RBKS: variants seen among roughly 807,000 people sequenced by gnomAD.
The protein encoded by RBKS is ribokinase.
RBKS carries 33 observed loss-of-function variants against 33.9 expected under a neutral mutation model. That is an observed-to-expected ratio of 0.97 (90% CI 0.74 to 1.30). The LOEUF is 1.30. Among genes scored for constraint, RBKS ranks in the 50% most tolerant of loss-of-function variants. RBKS has a pLI of 0.00. For missense variants in RBKS, 361 were observed against 392.6 expected (o/e 0.92, Z 0.68); for synonymous variants, 125 against 143.0 (o/e 0.87, Z 0.90).
chr2:27,853,551 G>A (rs1242645373), intron 2 of RBKS, among the ~76,000 whole-genome samples: 4 of 151,940 alleles, frequency 2.6e-5, no homozygotes, highest in Admixed American at 2.6e-4. Context: ...CAGCTACTTG[G>A]GAGGCTGAGG....
At chr2:27,804,931 G>T (rs1430381660) in intron 7 of RBKS, among the ~76,000 whole-genome samples, 3 of 152,058 alleles carry the variant, frequency 2.0e-5, no homozygotes, top group African/African-American at 4.8e-5. Context: ...GGAGGTTGAG[G>T]TGGGAGGATT....
chr2:27,865,269 G>A (rs776701246), intron 1 of RBKS, among the ~76,000 whole-genome samples: 5 of 152,162 alleles, frequency 3.3e-5, no homozygotes, highest in East Asian at 1.9e-4. Context: ...GCAGTGAGCC[G>A]AGATCGCGCC....
At chr2:27,807,330 A>G (rs1677914789) in intron 7 of RBKS, among the ~76,000 whole-genome samples, 1 of 152,194 alleles carries the variant, frequency 6.6e-6, no homozygotes, top group Non-Finnish European at 1.5e-5. Flanking sequence ...TTAAGGAGGG[A>G]TTAATAGTGA....
At chr2:27,836,582 C>T (rs191581139) in intron 5 of RBKS, among the ~76,000 whole-genome samples, 227 of 152,210 alleles carry the variant, frequency 1.5e-3, no homozygotes, top group Non-Finnish European at 2.4e-3. Context: ...TTGACACTGG[C>T]ATTGGCAAAG....
At chr2:27,840,327 T>TACAC (rs544313433) in intron 5 of RBKS, among the ~76,000 whole-genome samples, 18,081 of 117,394 alleles carry the variant, frequency 0.15, 1,539 homozygotes, top group Middle Eastern at 0.28. Flanking sequence ...GATGATGCAT[T>TACAC]ACACACACAC....
intron 7 of RBKS, among the ~76,000 whole-genome samples, chr2:27,826,812 A>C (rs1678321756): frequency 6.6e-6 from 1 of 152,146 alleles, no homozygotes; most frequent in Admixed American, 6.5e-5. Flanking sequence ...CTCTGTAGCC[A>C]TGGCTTGTTC....
intron 1 of RBKS, among the ~76,000 whole-genome samples, chr2:27,880,892 C>G (rs914604051): frequency 1.3e-5 from 2 of 152,074 alleles, no homozygotes; most frequent in African/African-American, 4.8e-5. Flanking sequence ...CCATGACATT[C>G]ATCACAGAAC....
intron 7 of RBKS, chr2:27,809,564 T>C (rs1677954075): frequency 5.3e-6 from 1 of 187,806 alleles, no homozygotes; most frequent in Admixed American, 5.4e-5. Context: ...TTCACTGAGT[T>C]CTAAAGGTTG....
intron 1 of RBKS, among the ~76,000 whole-genome samples, chr2:27,860,858 A>T (rs530072002): frequency 6.6e-6 from 1 of 152,286 alleles, no homozygotes; most frequent in South Asian, 2.1e-4. Flanking sequence ...CAAGTCTGTC[A>T]TGTTCTCCAT....
In RBKS at chr2:27,818,046, G is replaced by C. The variant is rs550170659; in HGVS notation, c.795+9521C>G. On this transcript the variant is annotated intron_variant, in intron 7 of 7. Transcript: ENST00000302188. ...TAGGAAGAAGCTGGAGTTGCATCATGGTGCATTATACTAATATACAGAGCC... is the reference window on the plus strand; with the variant it reads ...TAGGAAGAAGCTGGAGTTGCATCATCGTGCATTATACTAATATACAGAGCC... Among the ~76,000 whole-genome samples, 5 of 152,216 alleles carry C rather than the reference G, an allele frequency of 3.3e-5. No homozygotes were observed. The South Asian group carries it at 8.3e-4, about 25-fold the overall frequency.
intron 5 of RBKS, among the ~76,000 whole-genome samples, chr2:27,834,074 A>G (rs942569158): frequency 1.3e-5 from 2 of 152,238 alleles, no homozygotes; most frequent in African/African-American, 4.8e-5. Context: ...AAGATCAGGG[A>G]ATCTGCATAT....
rs576568093 is a variant in RBKS, at chr2:27,827,821, C to T, written c.607-66G>A. ...AGTAACCTGAATCCACTTCCAGATG[C>T]GTTTTTCTAGAAAATGTCTCCCTTC... On this transcript the variant is annotated intron_variant, in intron 6 of 7. Transcript: ENST00000302188. The T allele has an allele frequency of 3.6e-5, 48 of 1,326,454 alleles. No individual in the cohort carries two copies. The Admixed American group carries it at 5.5e-4, about 15-fold the overall frequency. The allele number at this position is 1,326,454 out of a possible 1,614,324, so 82.2% of individuals were successfully genotyped here. A position where few individuals can be genotyped will look rare whatever the true frequency, so the allele number is the denominator to read the frequency against.
intron 7 of RBKS, among the ~76,000 whole-genome samples, chr2:27,815,122 C>A (rs995558276): frequency 3.3e-5 from 5 of 152,108 alleles, no homozygotes; most frequent in East Asian, 1.9e-4. Context: ...ATTTCCTTGT[C>A]CAACTCCATC....
intron 1 of RBKS, chr2:27,870,926 C>T (rs999950626): frequency 1.3e-5 from 6 of 456,568 alleles, no homozygotes; most frequent in African/African-American, 1.2e-4. Context: ...GCATTGTTGC[C>T]TTGTCAACAT....
intron 7 of RBKS, among the ~76,000 whole-genome samples, chr2:27,797,876 C>G (rs1455103987): frequency 6.6e-6 from 1 of 152,148 alleles, no homozygotes; most frequent in Non-Finnish European, 1.5e-5. Context: ...ACTAAGACAA[C>G]TGGGAACGGC....
In RBKS at chr2:27,890,229, C is replaced by G. The variant is rs780144481; in HGVS notation, c.89+28G>C. On this transcript the variant is annotated intron_variant, in intron 1 of 7. Transcript: ENST00000302188. This position sits in a 1 kb window ranked among gnomAD's most constrained non-coding sequence, Gnocchi z 4.8. ...ACGGCACGCCTCCTCCCCCGAGCCG[C>G]AGACTGAGTAACTGGCCCCGGACTA... 5.1e-5 allele frequency: 82 copies of G among 1,608,478 alleles called. 1 individual carries two copies. In the Admixed American group the frequency reaches 1.0e-3, roughly 20 times the overall value.
intron 7 of RBKS, among the ~76,000 whole-genome samples, chr2:27,786,676 G>A (rs1466490828): frequency 6.6e-6 from 1 of 152,000 alleles, no homozygotes; most frequent in Non-Finnish European, 1.5e-5. Context: ...CAGCTACTCG[G>A]GAGGCTGAGG....
chr2:27,826,351 T>C (rs1354823388), intron 7 of RBKS, among the ~76,000 whole-genome samples: 1 of 152,182 alleles, frequency 6.6e-6, no homozygotes, highest in Admixed American at 6.5e-5. Flanking sequence ...AAAATGTTTA[T>C]TCTTCCTCAA....
intron 2 of RBKS, among the ~76,000 whole-genome samples, chr2:27,848,403 C>T (rs986350987): frequency 1.7e-4 from 26 of 152,106 alleles, no homozygotes; most frequent in Non-Finnish European, 3.7e-4. Context: ...ATCATCAATC[C>T]TCAATATTTA....
Sources: allele counts gnomAD v4.1 joint callset (sites outside exome capture counted in the v4.1 genomes callset), GRCh38; gene constraint gnomAD v4.1.1; non-coding constraint Gnocchi (gnomAD v3.1); transcripts MANE v1.5; gene names NCBI Gene and HGNC (gene_info 2026-07-23, HGNC 2026-07-21).